The following POTEC variants were observed in gnomAD, a reference collection of about 807,000 sequenced individuals.
POTEC encodes the protein POTE ankyrin domain family member C, also known as ANKRD26-like family B member 2.
In POTEC, 35 loss-of-function variants were observed where a neutral mutation model predicts 62.0. The observed-to-expected ratio is 0.56, with a 90% CI of 0.43 to 0.75. The LOEUF (loss-of-function observed/expected upper bound fraction) is 0.75, where lower values mean the gene tolerates loss of function less well. Ranked by LOEUF, POTEC falls within the 30% of genes least tolerant of loss-of-function variation. The pLI, the probability that POTEC is intolerant of heterozygous loss-of-function variation, is 0.00. For synonymous variants in POTEC, 156 were observed against 221.5 expected, an observed-to-expected ratio of 0.70 and a Z score of 2.62; for missense variants, 472 against 655.9, an observed-to-expected ratio of 0.72 and a Z score of 3.06.
chr18:14,525,893 A>G (rs1014388926), intron 6 of POTEC, among the ~76,000 whole-genome samples: 11 of 151,730 alleles, frequency 7.2e-5, no homozygotes, highest in African/African-American at 2.7e-4. Flanking sequence ...ATTTATATTC[A>G]TTTTTCTTTT....
At chr18:14,520,462 A>G (rs1910281671) in intron 9 of POTEC, among the ~76,000 whole-genome samples, 1 of 152,138 alleles carries the variant, frequency 6.6e-6, no homozygotes. Context: ...GACAGTTGAT[A>G]CTCATCAAAT....
Position 14,509,998 on chromosome 18 carries a change from T to C in POTEC, c.*1900A>G, listed in dbSNP as rs936623236. 4 of 149,670 alleles carry C rather than the reference T, an allele frequency of 2.7e-5. No individual in the cohort carries two copies. The highest frequency in any genetic ancestry group is 9.9e-5 in the African/African-American group (4 of 40,256). 9.3% of individuals were successfully genotyped at this position (149,670 alleles called of 1,614,324 possible). On this transcript the variant is annotated 3_prime_UTR_variant, in exon 11 of 11. Transcript: ENST00000358970. ...GGATAAAGTGTCTCATAAGAGCAAG[T>C]GGAGCCTAGAGACATAGCTGTCCCT...
chr18:14,512,016 T>C, intron 10 of POTEC, 23 bp from the exon 11 acceptor site: 1 of 1,536,670 alleles, frequency 6.5e-7, no homozygotes. Flanking sequence ...AGGGAACTTT[T>C]AGTTAGCACT....
chr18:14,532,323 C>T (rs1314953368), intron 5 of POTEC, among the ~76,000 whole-genome samples: 5 of 152,064 alleles, frequency 3.3e-5, no homozygotes, highest in South Asian at 4.2e-4. Context: ...ACTTTGTGTG[C>T]GGATAAAGTC....
intron 1 of POTEC, among the ~76,000 whole-genome samples, chr18:14,541,925 A>G (rs1346847956): frequency 6.6e-6 from 1 of 152,260 alleles, no homozygotes; most frequent in Non-Finnish European, 1.5e-5. Context: ...TTCAGCTGTT[A>G]GTAAACAATT....
At position 14,512,141 on chromosome 18, in the gene POTEC, A is replaced by C. The variant is rs542811920; in HGVS notation, c.1534-148T>G. On this transcript the variant is annotated intron_variant, in intron 10 of 10. Coordinates refer to ENST00000358970, the MANE Select transcript of POTEC (RefSeq NM_001137671.2). ...CTGGAAAAAAGTTGGACAAAACTTC[A>C]AATCTAAAAGAGTGTAAATTCCAAA... is the stretch of plus-strand genomic sequence containing the variant. 76 of 609,930 alleles carry C rather than the reference A, an allele frequency of 1.2e-4. No homozygotes were observed. The African/African-American group carries it at 1.4e-3, about 11-fold the overall frequency. The allele number at this position is 609,930 out of a possible 1,614,324, so 37.8% of individuals were successfully genotyped here. A position where few individuals can be genotyped will look rare whatever the true frequency, so the allele number is the denominator to read the frequency against.
intron 6 of POTEC, chr18:14,528,201 C>A (rs1247503727): frequency 6.6e-6 from 1 of 152,200 alleles, no homozygotes; most frequent in Non-Finnish European, 1.5e-5. Context: ...ACACCATAAG[C>A]AGAATATGCC....
Position 14,533,875 on chromosome 18 carries a change from C to CTTT in POTEC, c.918-680_918-678dup, listed in dbSNP as rs564503459. Among the ~76,000 whole-genome samples, 31 of 141,314 alleles carry CTTT rather than the reference C, an allele frequency of 2.2e-4. No individual in the cohort carries two copies. In the East Asian group the frequency reaches 2.3e-3, roughly 10 times the overall value. 92.7% of individuals were successfully genotyped at this position (141,314 alleles called of 152,430 possible). A position where few individuals can be genotyped will look rare whatever the true frequency, so the allele number is the denominator to read the frequency against. ...TCCAAAGCCTAGCTCTTTTCTCTCT[C>CTTT]TTTTTTTTTTTTCCATGCCCAGCTA... On this transcript the variant is annotated intron_variant, in intron 4 of 10. Transcript: ENST00000358970.
chr18:14,541,049 C>T (rs1567916596), intron 1 of POTEC, among the ~76,000 whole-genome samples: 1 of 152,114 alleles, frequency 6.6e-6, no homozygotes, highest in Non-Finnish European at 1.5e-5. Context: ...TGCCACCATG[C>T]CCAGCTAATT....
At chr18:14,536,967 T>C (rs1328130816) in intron 3 of POTEC, among the ~76,000 whole-genome samples, 1 of 151,760 alleles carries the variant, frequency 6.6e-6, no homozygotes, top group Non-Finnish European at 1.5e-5. Context: ...AGTTGGTTAA[T>C]TACTTGTTAT....
rs1347751880 is a variant in POTEC at position 14,508,081 on chromosome 18, T to C, written c.*3817A>G. ...CTCATGGCATATCTTACTGAGGTTC[T>C]CTGGATTTCCTGAAGTTGAATGTTG... On this transcript the variant is annotated 3_prime_UTR_variant, in exon 11 of 11. Transcript: ENST00000358970. The C allele has an allele frequency of 4.6e-5, 7 of 152,204 alleles. No individual in the cohort carries two copies. Among genetic ancestry groups the C allele is most frequent in the Admixed American group, 1.3e-4 (2 of 15,284 alleles). 9.4% of individuals were successfully genotyped at this position (152,204 alleles called of 1,614,324 possible). A position where few individuals can be genotyped will look rare whatever the true frequency, so the allele number is the denominator to read the frequency against.
At chr18:14,516,295 A>T (rs1161062401) in intron 9 of POTEC, among the ~76,000 whole-genome samples, 1 of 25,318 alleles carries the variant, frequency 3.9e-5, no homozygotes, top group Non-Finnish European at 7.1e-5. Context: ...AATAAAGAAA[A>T]TTTTATATAT....
At chr18:14,519,153 G>C (rs1187097515) in intron 9 of POTEC, among the ~76,000 whole-genome samples, 2 of 152,146 alleles carry the variant, frequency 1.3e-5, no homozygotes, top group South Asian at 4.1e-4. Context: ...GTGTCAGAGA[G>C]AGAGAGAGAG....
chr18:14,512,357 A>C (rs1022667800), intron 10 of POTEC, among the ~76,000 whole-genome samples: 1 of 152,214 alleles, frequency 6.6e-6, no homozygotes, highest in African/African-American at 2.4e-5. Flanking sequence ...ACACCATCAT[A>C]AGAGCCTTAG....
chr18:14,542,396 T>A (rs1258845135), intron 1 of POTEC, among the ~76,000 whole-genome samples: 1 of 152,178 alleles, frequency 6.6e-6, no homozygotes, highest in Non-Finnish European at 1.5e-5. Context: ...TTTAAAACCG[T>A]CTATTAGTGT....
rs1484044932 is a variant in POTEC, at chr18:14,536,585, T to A, written c.810+1216A>T. Among the ~76,000 whole-genome samples the A allele has an allele frequency of 3.8e-4, 58 of 151,936 alleles. No homozygotes were observed. The East Asian group carries it at 0.011, about 28-fold the overall frequency. On this transcript the variant is annotated intron_variant, in intron 3 of 10. Transcript: ENST00000358970. ...TCCAGGCTTTATTAGACTTACTCTA[T>A]CAAAATCTTCAGGGGAAAACCTAGA...
At chr18:14,525,741 T>C (rs1157965123) in intron 6 of POTEC, among the ~76,000 whole-genome samples, 2 of 152,134 alleles carry the variant, frequency 1.3e-5, no homozygotes, top group South Asian at 2.1e-4. Context: ...AATCCTCTTG[T>C]TTGACCCACT....
At chr18:14,528,185 C>G (rs1419743275) in intron 6 of POTEC, 1 of 152,160 alleles carries the variant, frequency 6.6e-6, no homozygotes, top group Admixed American at 6.6e-5. Flanking sequence ...CTTGCTAACC[C>G]ATTTTACACC....
Position 14,509,580 on chromosome 18 carries a change from G to T in POTEC, c.*2318C>A, listed in dbSNP as rs1909943552. 1 of 152,216 alleles carries T rather than the reference G, an allele frequency of 6.6e-6. No individual in the cohort carries two copies. Among genetic ancestry groups the T allele is most frequent in the Non-Finnish European group, 1.5e-5 (1 of 68,094 alleles). The allele number at this position is 152,216 out of a possible 1,614,324, so 9.4% of individuals were successfully genotyped here. On this transcript the variant is annotated 3_prime_UTR_variant, in exon 11 of 11. Transcript: ENST00000358970. The stretch of plus-strand genomic sequence containing the variant: ...TGCAGTATGGAATGGTAATGTGCAG[G>T]CTAGTGCGTGGCTGTAGAGGTCACC...
Sources: allele counts gnomAD v4.1 joint callset (sites outside exome capture counted in the v4.1 genomes callset), GRCh38; gene constraint gnomAD v4.1.1; transcripts MANE v1.5; gene names NCBI Gene and HGNC (gene_info 2026-07-23, HGNC 2026-07-21).